The following SCN2B variants were observed in gnomAD, a reference collection of about 807,000 sequenced individuals.
The protein encoded by SCN2B is sodium channel regulatory subunit beta-2.
Under a neutral mutation model 18.2 loss-of-function variants are expected in SCN2B, and 14 were observed. That is an observed-to-expected ratio of 0.77 (90% CI 0.51 to 1.21). The LOEUF is 1.21. SCN2B is among the 50% of genes most tolerant of loss of function. The probability of loss-of-function intolerance (pLI) is 0.00; values close to 1 mark genes in which losing one functional copy is unlikely to be tolerated. For synonymous variants in SCN2B, 115 were observed against 115.3 expected (o/e 1.00, Z 0.02); for missense variants, 262 against 286.9 (o/e 0.91, Z 0.63).
intron 3 of SCN2B, 53 bp from the exon 4 acceptor site, chr11:118,167,139 C>A (rs887613858): frequency 3.2e-6 from 5 of 1,558,972 alleles, no homozygotes; most frequent in Admixed American, 1.7e-5. Flanking sequence ...GGGCCTCCCC[C>A]ATCACCCCAC....
intron 1 of SCN2B, among the ~76,000 whole-genome samples, chr11:118,169,676 G>T (rs1312158282): frequency 1.3e-5 from 2 of 152,232 alleles, no homozygotes; most frequent in African/African-American, 4.8e-5. Context: ...CCCTCTTGAA[G>T]ATGTCAACCT....
chr11:118,175,496 T>G (rs975351522), intron 1 of SCN2B, among the ~76,000 whole-genome samples: 2 of 152,182 alleles, frequency 1.3e-5, no homozygotes, highest in Admixed American at 1.3e-4. Flanking sequence ...TGGACTTGAC[T>G]CTCAGTTGCT....
At chr11:118,175,220 T>C (rs1173912649) in intron 1 of SCN2B, among the ~76,000 whole-genome samples, 1 of 152,238 alleles carries the variant, frequency 6.6e-6, no homozygotes, top group South Asian at 2.1e-4. Flanking sequence ...ATTCTTTAGT[T>C]TACCCGGGAG....
Position 118,168,766 on chromosome 11 carries a change from A to T in SCN2B, c.71-15T>A, listed in dbSNP as rs1416106156. 1 of 1,614,012 alleles carries T rather than the reference A, an allele frequency of 6.2e-7. No homozygotes were observed. The highest frequency in any genetic ancestry group is 2.2e-5 in the East Asian group (1 of 44,874). Reference sequence around the variant, plus strand: ...TCCTGGTGGCACTGCAGATGAAGCCACAAGCTGGTGAGGAGTCTGGCTGAA... The same window carrying T: ...TCCTGGTGGCACTGCAGATGAAGCCTCAAGCTGGTGAGGAGTCTGGCTGAA... On this transcript the variant is annotated splice_polypyrimidine_tract_variant and intron_variant, in intron 1 of 3. Transcript: ENST00000278947. This position sits in a 1 kb window ranked among gnomAD's most constrained non-coding sequence, Gnocchi z 4.7.
intron 3 of SCN2B, 87 bp downstream of exon 3, chr11:118,167,998 G>A: frequency 1.8e-6 from 2 of 1,101,028 alleles, no homozygotes; most frequent in East Asian, 2.6e-5. Flanking sequence ...GGAGGGCCTG[G>A]CCTCCCCAAA....
chr11:118,172,677 A>G (rs1339407230), intron 1 of SCN2B, among the ~76,000 whole-genome samples: 3 of 152,144 alleles, frequency 2.0e-5, no homozygotes, highest in African/African-American at 4.8e-5. Flanking sequence ...CTGATCTTAG[A>G]TCCAAAACCT....
In SCN2B at chr11:118,168,037, G is replaced by T. The variant is rs1311111486; in HGVS notation, c.448+48C>A. 2 of 1,516,882 alleles carry T rather than the reference G, an allele frequency of 1.3e-6. No individual in the cohort carries two copies. The highest frequency in any genetic ancestry group is 1.8e-6 in the Non-Finnish European group (2 of 1,101,220). The allele number at this position is 1,516,882 out of a possible 1,614,324, so 94.0% of individuals were successfully genotyped here. On this transcript the variant is annotated intron_variant, in intron 3 of 3. Coordinates refer to ENST00000278947, the MANE Select transcript of SCN2B (RefSeq NM_004588.5). The surrounding 1 kb of genome is among the most constrained non-coding windows in gnomAD (Gnocchi z 4.7). ...CCCTGAGCAAATGCCGCAGAGAGTA[G>T]GTGGGTGGGAAAGGTCAGGGCCCCG...
intron 1 of SCN2B, among the ~76,000 whole-genome samples, chr11:118,170,419 G>A (rs1189791651): frequency 1.3e-5 from 2 of 152,180 alleles, no homozygotes; most frequent in African/African-American, 4.8e-5. Context: ...GGAGTTTCGT[G>A]TGCCTGAGGC....
rs1948362774 is a variant in SCN2B, at chr11:118,164,687, GA to G, written c.*2199del. 1 of 152,664 alleles carries G rather than the reference GA, an allele frequency of 6.6e-6. No individual in the cohort carries two copies. Among genetic ancestry groups the G allele is most frequent in the Non-Finnish European group, 1.5e-5 (1 of 68,062 alleles). The allele number at this position is 152,664 out of a possible 1,614,324, so 9.5% of individuals were successfully genotyped here. On this transcript the variant is annotated 3_prime_UTR_variant, in exon 4 of 4. Transcript: ENST00000278947. ...TTGGAAGCAGTGTCTTGCAGAGGTG[GA>G]ATTAGATGCACCAAAAAGTTAATCT...
chr11:118,175,136 C>G lies in SCN2B; in HGVS notation c.70+1226G>C, dbSNP rs986872883. 1.6e-4 allele frequency among the ~76,000 whole-genome samples: 25 copies of G among 152,310 alleles called. 1 individual carries two copies. The highest frequency in any genetic ancestry group is 6.8e-3 in the Middle Eastern group (2 of 294). The stretch of plus-strand genomic sequence containing the variant: ...ACAAGATACACAGTGCCTGGGCTCA[C>G]GAAAAGCATTCTTATGTTAGCCATC... On this transcript the variant is annotated intron_variant, in intron 1 of 3. Coordinates refer to ENST00000278947, the MANE Select transcript of SCN2B (RefSeq NM_004588.5).
Position 118,168,579 on chromosome 11 carries a change from A to T in SCN2B, c.237+6T>A, listed in dbSNP as rs1267349591. The T allele has an allele frequency of 5.0e-6, 8 of 1,614,066 alleles. No homozygotes were observed. Among genetic ancestry groups the T allele is most frequent in the Admixed American group, 1.7e-5 (1 of 60,014 alleles). On this transcript the variant is annotated splice_donor_region_variant and intron_variant, in intron 2 of 3. Coordinates refer to ENST00000278947, the MANE Select transcript of SCN2B (RefSeq NM_004588.5). This position sits in a 1 kb window ranked among gnomAD's most constrained non-coding sequence, Gnocchi z 4.7. ...CCCCTGCCCCTGCCTTCAGCCCAGG[A>T]CTCACCATCTCCTCAGAGCAGTTGT...
At position 118,168,113 on chromosome 11, in the gene SCN2B, G is replaced by T; in HGVS notation, c.420C>A (p.Gly140=). ...MNPPDRHRGH[G]KIHLQVLMEE... ...CCATGAGGACCTGCAGATGGATCTT[G>T]CCATGGCCACGGTGGCGGTCAGGGG... Residue 140 remains glycine (G), a synonymous_variant, in exon 3 of 4, where the codon GGC becomes GGA. Transcript: ENST00000278947. The surrounding 1 kb of genome is among the most constrained non-coding windows in gnomAD (Gnocchi z 4.7). 2 of 1,614,100 alleles carry T rather than the reference G, an allele frequency of 1.2e-6. No homozygotes were observed. Among genetic ancestry groups the T allele is most frequent in the Non-Finnish European group, 1.7e-6 (2 of 1,179,992 alleles).
Position 118,168,057 on chromosome 11 carries a change from G to A in SCN2B, c.448+28C>T, listed in dbSNP as rs1347954381. The A allele has an allele frequency of 6.3e-7, 1 of 1,593,598 alleles. No homozygotes were observed. The highest frequency in any genetic ancestry group is 1.7e-5 in the Admixed American group (1 of 58,804). On this transcript the variant is annotated intron_variant, in intron 3 of 3. Transcript: ENST00000278947. The surrounding 1 kb of genome is among the most constrained non-coding windows in gnomAD (Gnocchi z 4.7). ...GAGTAGGTGGGTGGGAAAGGTCAGG[G>A]CCCCGCAGCTGGCACCCCAGCCTTC... is the stretch of plus-strand genomic sequence containing the variant.
In SCN2B at chr11:118,169,240, G is replaced by A. The variant is rs942805309; in HGVS notation, c.71-489C>T. ...TCTGTCAAGCCAGGGGCAGCCAAAC[G>A]GCCTCAAGCCTTTTCTAGAACCACT... On this transcript the variant is annotated intron_variant, in intron 1 of 3. Coordinates refer to ENST00000278947, the MANE Select transcript of SCN2B (RefSeq NM_004588.5). Among the ~76,000 whole-genome samples, 8 of 152,158 alleles carry A rather than the reference G, an allele frequency of 5.3e-5. No homozygotes were observed. The East Asian group carries it at 7.7e-4, about 15-fold the overall frequency.
rs1948384585 is a variant in SCN2B, at chr11:118,166,667, G to A, written c.*220C>T. 1.7e-6 allele frequency: 1 copy of A among 603,744 alleles called. No individual in the cohort carries two copies. Among genetic ancestry groups the A allele is most frequent in the Non-Finnish European group, 3.0e-6 (1 of 338,872 alleles). The allele number at this position is 603,744 out of a possible 1,614,324, so 37.4% of individuals were successfully genotyped here. A position where few individuals can be genotyped will look rare whatever the true frequency, so the allele number is the denominator to read the frequency against. The stretch of plus-strand genomic sequence containing the variant: ...GGGAGCCCTTTCTCTCCTCTCCCCA[G>A]GGCCCACACGTCCCAGAGCATGGCA... On this transcript the variant is annotated 3_prime_UTR_variant, in exon 4 of 4. Transcript: ENST00000278947.
chr11:118,163,466 T>A lies in SCN2B; in HGVS notation c.*3421A>T, dbSNP rs1244806832. On this transcript the variant is annotated 3_prime_UTR_variant, in exon 4 of 4. Transcript: ENST00000278947. Reference sequence around the variant, plus strand: ...ACATGGATCCGATCAGCTTTTCCTTTTTATAAACTGGAAATAACTGTGAAG... The same window carrying A: ...ACATGGATCCGATCAGCTTTTCCTTATTATAAACTGGAAATAACTGTGAAG... 2 of 152,670 alleles carry A rather than the reference T, an allele frequency of 1.3e-5. No individual in the cohort carries two copies. Among genetic ancestry groups the A allele is most frequent in the Non-Finnish European group, 2.9e-5 (2 of 68,042 alleles). The allele number at this position is 152,670 out of a possible 1,614,324, so 9.5% of individuals were successfully genotyped here.
Position 118,165,957 on chromosome 11 carries a change from A to C in SCN2B, c.*930T>G, listed in dbSNP as rs1453684998. 1 of 152,294 alleles carries C rather than the reference A, an allele frequency of 6.6e-6. No homozygotes were observed. Among genetic ancestry groups the C allele is most frequent in the East Asian group, 1.9e-4 (1 of 5,206 alleles). 9.4% of individuals were successfully genotyped at this position (152,294 alleles called of 1,614,324 possible). ...ACCAAGGGCAACTGGGAGAGTTCTC[A>C]CTGAAGCCCCAAAGAAAGCTGCCCC... is the stretch of plus-strand genomic sequence containing the variant. On this transcript the variant is annotated 3_prime_UTR_variant, in exon 4 of 4. Transcript: ENST00000278947.
rs1948353452 is a variant in SCN2B at position 118,163,823 on chromosome 11, C to A, written c.*3064G>T. On this transcript the variant is annotated 3_prime_UTR_variant, in exon 4 of 4. Transcript: ENST00000278947. ...GAACTTGTCAGCATAAGTTAGGAAA[C>A]AGGGTAGGGAAATGGCTGCTGTGGA... is the stretch of plus-strand genomic sequence containing the variant. The A allele has an allele frequency of 6.6e-6, 1 of 152,252 alleles. No homozygotes were observed. Among genetic ancestry groups the A allele is most frequent in the South Asian group, 2.1e-4 (1 of 4,830 alleles). The allele number at this position is 152,252 out of a possible 1,614,324, so 9.4% of individuals were successfully genotyped here.
Position 118,165,059 on chromosome 11 carries a change from C to T in SCN2B, c.*1828G>A. On this transcript the variant is annotated 3_prime_UTR_variant, in exon 4 of 4. Coordinates refer to ENST00000278947, the MANE Select transcript of SCN2B (RefSeq NM_004588.5). ...AATGGGGCATTTGCCAGCAGCTGTG[C>T]CCTTCACACTTGCTCCCTCCCTCCC... The T allele has an allele frequency of 6.5e-6, 1 of 152,934 alleles. No individual in the cohort carries two copies. The highest frequency in any genetic ancestry group is 1.5e-5 in the Non-Finnish European group (1 of 68,202). The allele number at this position is 152,934 out of a possible 1,614,324, so 9.5% of individuals were successfully genotyped here. A position where few individuals can be genotyped will look rare whatever the true frequency, so the allele number is the denominator to read the frequency against.
Sources: gnomAD v4.1 joint callset for allele counts (sites outside exome capture counted in the v4.1 genomes callset) on GRCh38, gnomAD v4.1.1 for gene constraint, Gnocchi (gnomAD v3.1) non-coding constraint, MANE v1.5 for transcripts, NCBI Gene and HGNC (gene_info 2026-07-23, HGNC 2026-07-21) for gene names.